ZNF609: variants seen among roughly 807,000 people sequenced by gnomAD.
ZNF609 encodes the protein zinc finger protein 609.
A neutral mutation model predicts 109.5 loss-of-function variants in ZNF609; 11 were observed. The observed-to-expected ratio is 0.10, with a 90% confidence interval of 0.06 to 0.17. ZNF609 has a LOEUF of 0.17. Ranked by LOEUF, ZNF609 falls within the 10% of genes least tolerant of loss-of-function variation. The pLI is 1.00. For missense variants in ZNF609, 1,559 were observed against 1,772.4 expected (o/e 0.88, Z 2.16); for synonymous variants, 646 against 662.0 (o/e 0.98, Z 0.37).
chr15:64,573,377 C>T (rs1202545876), intron 2 of ZNF609, among the ~76,000 whole-genome samples: 2 of 26,374 alleles, frequency 7.6e-5, no homozygotes, highest in African/African-American at 1.5e-4. Context: ...TTTTTTGAGA[C>T]GGAGTCTTGC....
rs140901441 is a variant in ZNF609, at chr15:64,642,760, C to T, written c.973+19708C>T. On this transcript the variant is annotated intron_variant, in intron 3 of 9. Transcript: ENST00000326648. ...AGTGAGCCCTGACTGTGCCACTGCA[C>T]TCTAGCCTGGGTGACAGAGCAAGAC... Among the ~76,000 whole-genome samples, 473 of 152,264 alleles carry T rather than the reference C, an allele frequency of 3.1e-3. 4 individuals carry two copies. The highest frequency in any genetic ancestry group is 0.011 in the African/African-American group (442 of 41,554).
intron 2 of ZNF609, among the ~76,000 whole-genome samples, chr15:64,548,224 T>C (rs1894399950): frequency 6.6e-6 from 1 of 152,250 alleles, no homozygotes; most frequent in Non-Finnish European, 1.5e-5. Flanking sequence ...ACAAAGGTCC[T>C]AGCCTTACCA....
rs1202656443 is a variant in ZNF609 at position 64,674,207 on chromosome 15, T to C, written c.1353T>C (p.Asn451=). 6.2e-7 allele frequency: 1 copy of C among 1,614,058 alleles called. No homozygotes were observed. The highest frequency in any genetic ancestry group is 1.3e-5 in the African/African-American group (1 of 74,912). ...AACCCCTTTCAGACATGGAGCTGAATTCTAGCTCAGAGGACTCCAAAGGGA... is the reference window on the plus strand; with the variant it reads ...AACCCCTTTCAGACATGGAGCTGAACTCTAGCTCAGAGGACTCCAAAGGGA... ...KNKPLSDMEL[N]SSSEDSKGSK... Residue 451 remains asparagine (N), a synonymous_variant, in exon 5 of 10, where the codon AAT becomes AAC. Coordinates refer to ENST00000326648, the MANE Select transcript of ZNF609 (RefSeq NM_015042.2).
intron 3 of ZNF609, among the ~76,000 whole-genome samples, chr15:64,661,792 T>C (rs549916233): frequency 6.6e-6 from 1 of 152,352 alleles, no homozygotes; most frequent in East Asian, 1.9e-4. Flanking sequence ...ACTGTTTTTG[T>C]AACTTCAATA....
chr15:64,670,959 T>G (rs1896717910), intron 4 of ZNF609, among the ~76,000 whole-genome samples: 2 of 149,906 alleles, frequency 1.3e-5, no homozygotes, highest in Admixed American at 1.3e-4. Flanking sequence ...CCTGTAATCC[T>G]AGCACTTTGG....
At chr15:64,478,102 T>C (rs1893197764) in intron 1 of ZNF609, among the ~76,000 whole-genome samples, 2 of 152,062 alleles carry the variant, frequency 1.3e-5, no homozygotes, top group South Asian at 4.1e-4. Flanking sequence ...CAAGAAGACC[T>C]ATTTGCCATT....
chr15:64,590,231 G>T (rs192941658), intron 2 of ZNF609, among the ~76,000 whole-genome samples: 18 of 152,174 alleles, frequency 1.2e-4, no homozygotes, highest in Middle Eastern at 3.4e-3. Flanking sequence ...TTTTTGGGTC[G>T]GAACTATTTT....
At chr15:64,567,412 G>A (rs1894793602) in intron 2 of ZNF609, among the ~76,000 whole-genome samples, 1 of 149,362 alleles carries the variant, frequency 6.7e-6, no homozygotes, top group Admixed American at 6.6e-5. Context: ...AACCCGGGAG[G>A]TGGAGGTTAC....
At chr15:64,514,671 T>C (rs1445957665) in intron 2 of ZNF609, among the ~76,000 whole-genome samples, 1 of 151,252 alleles carries the variant, frequency 6.6e-6, no homozygotes, top group Admixed American at 6.6e-5. Flanking sequence ...GGAGTCTCAC[T>C]CTGTCATCCC....
chr15:64,651,336 A>G (rs1477719491), intron 3 of ZNF609, among the ~76,000 whole-genome samples: 2 of 152,230 alleles, frequency 1.3e-5, no homozygotes, highest in African/African-American at 4.8e-5. Context: ...TCAAATAAAT[A>G]TATGCAAATA....
intron 2 of ZNF609, among the ~76,000 whole-genome samples, chr15:64,579,156 GTTAAA>G (rs1895051138): frequency 6.6e-6 from 1 of 151,852 alleles, no homozygotes; most frequent in Non-Finnish European, 1.5e-5. Flanking sequence ...CCTCTTTTGT[GTTAAA>G]TAGATATGTT....
At chr15:64,472,882 T>A (rs1273573286) in intron 1 of ZNF609, among the ~76,000 whole-genome samples, 1 of 152,118 alleles carries the variant, frequency 6.6e-6, no homozygotes, top group Non-Finnish European at 1.5e-5. Context: ...GAATATACCT[T>A]GTAAATTTCA....
intron 2 of ZNF609, among the ~76,000 whole-genome samples, chr15:64,546,908 A>G (rs1240157126): frequency 6.7e-6 from 1 of 148,322 alleles, no homozygotes. Context: ...CTCCTGCCTC[A>G]GCTTCCCGAG....
chr15:64,498,471 G>A (rs771639771), intron 1 of ZNF609, among the ~76,000 whole-genome samples: 3 of 152,164 alleles, frequency 2.0e-5, no homozygotes, highest in Non-Finnish European at 2.9e-5. Context: ...AGAAAGTGAA[G>A]AGTTATTCTA....
intron 3 of ZNF609, among the ~76,000 whole-genome samples, chr15:64,647,959 C>T (rs1896359073): frequency 6.6e-6 from 1 of 152,128 alleles, no homozygotes; most frequent in Non-Finnish European, 1.5e-5. Context: ...ACTTTGCCAC[C>T]AGTATGTAGC....
intron 1 of ZNF609, among the ~76,000 whole-genome samples, chr15:64,471,764 G>A (rs1344419741): frequency 6.6e-6 from 1 of 151,668 alleles, no homozygotes; most frequent in Non-Finnish European, 1.5e-5. Flanking sequence ...TTTATTTTTA[G>A]TGGAGATGGG....
At chr15:64,519,856 C>T (rs1893865949) in intron 2 of ZNF609, among the ~76,000 whole-genome samples, 1 of 152,154 alleles carries the variant, frequency 6.6e-6, no homozygotes, top group African/African-American at 2.4e-5. Flanking sequence ...GGATCTTCTG[C>T]AAATTACCTC....
intron 2 of ZNF609, among the ~76,000 whole-genome samples, chr15:64,562,006 A>T (rs577713895): frequency 6.6e-6 from 1 of 152,206 alleles, no homozygotes; most frequent in Non-Finnish European, 1.5e-5. Flanking sequence ...GATATATTTT[A>T]TAATGTACCA....
At chr15:64,560,554 C>G (rs1894659587) in intron 2 of ZNF609, among the ~76,000 whole-genome samples, 1 of 152,102 alleles carries the variant, frequency 6.6e-6, no homozygotes, top group Non-Finnish European at 1.5e-5. Flanking sequence ...ACCGCTCTTC[C>G]CAACAAGATT....
Sources: allele counts gnomAD v4.1 joint callset (sites outside exome capture counted in the v4.1 genomes callset), GRCh38; gene constraint gnomAD v4.1.1; transcripts MANE v1.5; gene names NCBI Gene and HGNC (gene_info 2026-07-23, HGNC 2026-07-21).